Variants in PCDH1 observed in about 807,000 individuals in gnomAD.
PCDH1 encodes the protein protocadherin-1.
Under a neutral mutation model 74.6 loss-of-function variants are expected in PCDH1, and 23 were observed. That is an observed-to-expected ratio of 0.31 (90% CI 0.22 to 0.44). The LOEUF (loss-of-function observed/expected upper bound fraction) is 0.44. Ranked by LOEUF, PCDH1 falls within the 20% of genes least tolerant of loss-of-function variation. The pLI is 1.00. For missense variants in PCDH1, 1,214 were observed against 1,641.4 expected, an observed-to-expected ratio of 0.74 and a Z score of 4.50; for synonymous variants, 647 against 686.1, an observed-to-expected ratio of 0.94 and a Z score of 0.89.
Position 141,869,140 on chromosome 5 carries a change from G to C in PCDH1, c.332C>G (p.Thr111Ser), listed in dbSNP as rs147663164. The change falls in exon 2 of 5, where the codon ACC (threonine) becomes AGC (serine). Residue 111 changes from threonine (T) to serine (S), a missense_variant. Coordinates refer to ENST00000287008, the MANE Select transcript of PCDH1 (RefSeq NM_032420.5). The surrounding 1 kb of genome is among the most constrained non-coding windows in gnomAD (Gnocchi z 4.9). ...VDGKTGDIFTTETSIDREGLR... is the reference protein window; with the variant it reads ...VDGKTGDIFTSETSIDREGLR... ...CCCCTCACGGTCGATGGAGGTCTCG[G>C]TGGTGAAAATGTCACCTGTCTTGCC... is the stretch of plus-strand genomic sequence containing the variant. The C allele has an allele frequency of 5.0e-6, 8 of 1,613,960 alleles. No individual in the cohort carries two copies. In the African/African-American group the frequency reaches 6.7e-5, roughly 13 times the overall value.
In PCDH1 at chr5:141,863,189, G is replaced by C. The variant is rs750452316; in HGVS notation, c.3099+43C>G. 3.3e-6 allele frequency: 5 copies of C among 1,522,552 alleles called. No homozygotes were observed. The East Asian group carries it at 6.8e-5, about 21-fold the overall frequency. The allele number at this position is 1,522,552 out of a possible 1,614,324, so 94.3% of individuals were successfully genotyped here. ...GTCCAGATGGCTCCGTGGTAGGGGT[G>C]GGGTAGGGGCTGGGGTGTGCTGAGC... On this transcript the variant is annotated intron_variant, in intron 3 of 4. Coordinates refer to ENST00000287008, the MANE Select transcript of PCDH1 (RefSeq NM_032420.5). This position sits in a 1 kb window ranked among gnomAD's most constrained non-coding sequence, Gnocchi z 7.5.
At chr5:141,866,181 C>G in intron 2 of PCDH1, 1 of 985,496 alleles carries the variant, frequency 1.0e-6, no homozygotes, top group Non-Finnish European at 1.2e-6. Context: ...TCTGTCAAAC[C>G]GGGGAAACCT....
At chr5:141,874,380 T>C (rs1010284659) in intron 1 of PCDH1, among the ~76,000 whole-genome samples, 3 of 152,218 alleles carry the variant, frequency 2.0e-5, no homozygotes, top group African/African-American at 7.2e-5. Context: ...CAGCGCCTTA[T>C]CTGCCCTTCC....
At chr5:141,861,454 G>A (rs2126810667) in intron 3 of PCDH1, among the ~76,000 whole-genome samples, 1 of 152,246 alleles carries the variant, frequency 6.6e-6, no homozygotes, top group South Asian at 2.1e-4. Flanking sequence ...CTCAGATCAT[G>A]GGAAAGAAAA....
Position 141,854,404 on chromosome 5 carries a change from C to A in PCDH1, c.3352G>T (p.Gly1118Cys), listed in dbSNP as rs201290363. The A allele has an allele frequency of 1.2e-6, 2 of 1,612,486 alleles. No homozygotes were observed. Among genetic ancestry groups the A allele is most frequent in the Non-Finnish European group, 8.5e-7 (1 of 1,179,474 alleles). Residue 1118 changes from glycine to cysteine, a missense_variant, in exon 5 of 5, where the codon GGC becomes TGC. This residue lies in a region of PCDH1 where 194 missense variants were observed against 198.3 expected (regional missense o/e 0.98). Transcript: ENST00000287008. ...LRPLPDVAMT[G>C]TCTRECSEFG... Reference sequence around the variant, plus strand: ...TCACTGCACTCCCGGGTACATGTGCCTGTCATGGCGACATCAGGCAAAGGG... The same window carrying A: ...TCACTGCACTCCCGGGTACATGTGCATGTCATGGCGACATCAGGCAAAGGG...
rs12515663 is a variant in PCDH1 at position 141,869,869 on chromosome 5, A to C, written c.41-438T>G. Reference sequence around the variant, plus strand: ...GAGATAGGGAGAGAGAGCCAGTGGAAGGGTGAGACCTCGAGCATCCCCAAC... The same window carrying C: ...GAGATAGGGAGAGAGAGCCAGTGGACGGGTGAGACCTCGAGCATCCCCAAC... On this transcript the variant is annotated intron_variant, in intron 1 of 4. Transcript: ENST00000287008. The surrounding 1 kb of genome is among the most constrained non-coding windows in gnomAD (Gnocchi z 4.9). The C allele has an allele frequency of 0.069, 63,423 of 925,752 alleles. 2,746 individuals carry two copies. Among genetic ancestry groups the C allele is most frequent in the African/African-American group, 0.2 (11,290 of 56,208 alleles). 57.3% of individuals were successfully genotyped at this position (925,752 alleles called of 1,614,324 possible). A position where few individuals can be genotyped will look rare whatever the true frequency, so the allele number is the denominator to read the frequency against.
At chr5:141,855,312 C>T (rs1347192469) in intron 4 of PCDH1, among the ~76,000 whole-genome samples, 2 of 152,032 alleles carry the variant, frequency 1.3e-5, no homozygotes, top group Admixed American at 1.3e-4. Flanking sequence ...CCCCCCAGTG[C>T]TCTTCTTACA....
Position 141,856,568 on chromosome 5 carries a change from C to T in PCDH1, c.3319+684G>A, listed in dbSNP as rs929158991. ...CCATGGACGACTTCACACATGCACA[C>T]GCACTGCACACACACTGACGGCACA... is the stretch of plus-strand genomic sequence containing the variant. On this transcript the variant is annotated intron_variant, in intron 4 of 4. Transcript: ENST00000287008. Among the ~76,000 whole-genome samples, 7 of 152,244 alleles carry T rather than the reference C, an allele frequency of 4.6e-5. 1 individual carries two copies. Among genetic ancestry groups the T allele is most frequent in the South Asian group, 4.1e-4 (2 of 4,820 alleles).
chr5:141,853,701 G>C lies in PCDH1; in HGVS notation c.*341C>G, dbSNP rs908967488. 4 of 230,948 alleles carry C rather than the reference G, an allele frequency of 1.7e-5. No homozygotes were observed. The highest frequency in any genetic ancestry group is 1.7e-4 in the Admixed American group (3 of 17,908). 14.3% of individuals were successfully genotyped at this position (230,948 alleles called of 1,614,324 possible). A position where few individuals can be genotyped will look rare whatever the true frequency, so the allele number is the denominator to read the frequency against. ...GAGGGAAACAATGAGTTAGAAGTAC[G>C]CTGCCCACCCTTGACTCCACCATCT... On this transcript the variant is annotated 3_prime_UTR_variant, in exon 5 of 5. Transcript: ENST00000287008.
At chr5:141,862,901 C>T in intron 3 of PCDH1, 1 of 1,212,368 alleles carries the variant, frequency 8.2e-7, no homozygotes, top group Non-Finnish European at 1.0e-6. Context: ...CCATTTCCCT[C>T]CCCACTTACG....
intron 2 of PCDH1, chr5:141,867,502 C>T: frequency 2.3e-6 from 1 of 436,352 alleles, no homozygotes. Context: ...ATATAATACA[C>T]ATCATGTGTT....
In PCDH1 at chr5:141,878,325, G is replaced by GGGCTCC. The variant is rs965871001; in HGVS notation, c.-69_-64dup. ...ACGGCTGGGGCTGGAGCTGCAGTTC[G>GGGCTCC]GGCTCCGGCTCCGGCTCCGGCTGGC... On this transcript the variant is annotated 5_prime_UTR_variant, in exon 1 of 5. Transcript: ENST00000287008. This position sits in a 1 kb window ranked among gnomAD's most constrained non-coding sequence, Gnocchi z 5.5. 4.0e-5 allele frequency: 46 copies of GGGCTCC among 1,154,072 alleles called. No individual in the cohort carries two copies. The highest frequency in any genetic ancestry group is 1.5e-4 in the East Asian group (4 of 26,900). 71.5% of individuals were successfully genotyped at this position (1,154,072 alleles called of 1,614,324 possible).
chr5:141,866,995 G>T (rs1160615497), intron 2 of PCDH1, among the ~76,000 whole-genome samples: 1 of 152,146 alleles, frequency 6.6e-6, no homozygotes, highest in Non-Finnish European at 1.5e-5. Flanking sequence ...CTGGGCAATG[G>T]TTCCCCAGGT....
intron 3 of PCDH1, among the ~76,000 whole-genome samples, chr5:141,862,257 A>T (rs1404140505): frequency 6.6e-6 from 1 of 152,136 alleles, no homozygotes; most frequent in Non-Finnish European, 1.5e-5. Flanking sequence ...GCTACTCCCT[A>T]CCAGGTGCTC....
chr5:141,873,796 CTCATCA>C (rs937818792), intron 1 of PCDH1, among the ~76,000 whole-genome samples: 1 of 152,014 alleles, frequency 6.6e-6, no homozygotes, highest in African/African-American at 2.4e-5. Flanking sequence ...ATCATAATCA[CTCATCA>C]TCATCATCAT....
At chr5:141,854,531 G>T in intron 4 of PCDH1, 95 bp from the exon 5 acceptor site, 1 of 1,324,600 alleles carries the variant, frequency 7.5e-7, no homozygotes, top group Non-Finnish European at 1.0e-6. Flanking sequence ...CCCCACCTCA[G>T]GACAGGAGTA....
chr5:141,866,114 G>A (rs1160970080), intron 2 of PCDH1: 2 of 985,440 alleles, frequency 2.0e-6, no homozygotes, highest in African/African-American at 3.5e-5. Flanking sequence ...TCTTTTGAAA[G>A]AAGTCAGGTA....
rs3797055 is a variant in PCDH1, at chr5:141,863,549, C to T, written c.2782G>A (p.Glu928Lys). 1.1e-5 allele frequency: 18 copies of T among 1,614,160 alleles called. No homozygotes were observed. Among genetic ancestry groups the T allele is most frequent in the South Asian group, 5.5e-5 (5 of 91,084 alleles). The change falls in exon 3 of 5, where the codon GAG becomes AAG. Residue 928 changes from glutamate (E) to lysine (K), a missense_variant. This residue lies in a region of PCDH1 where 836 missense variants were observed against 1,182.2 expected (regional missense o/e 0.71). Transcript: ENST00000287008. This position sits in a 1 kb window ranked among gnomAD's most constrained non-coding sequence, Gnocchi z 7.5. Reference sequence around the variant, plus strand: ...GACTTCTGCAGCCCGGCCTCATCCTCGTCCTCCACTGGCTTCACGGGCTTT... The same window carrying T: ...GACTTCTGCAGCCCGGCCTCATCCTTGTCCTCCACTGGCTTCACGGGCTTT... ...SPKPVKPVED[E>K]DEAGLQKSLK... is the part of the protein sequence containing the mutation.
chr5:141,867,082 C>T (rs1230594780), intron 2 of PCDH1, among the ~76,000 whole-genome samples: 1 of 152,218 alleles, frequency 6.6e-6, no homozygotes. Context: ...TACCTGTCAT[C>T]AACTTTATGA....
Sources: gnomAD v4.1 joint callset for allele counts (sites outside exome capture counted in the v4.1 genomes callset) on GRCh38, gnomAD v4.1.1 for gene constraint, gnomAD v4.1.1 regional missense constraint, Gnocchi (gnomAD v3.1) non-coding constraint, MANE v1.5 for transcripts, NCBI Gene and HGNC (gene_info 2026-07-23, HGNC 2026-07-21) for gene names.